Variants in RAB11FIP3 observed in about 807,000 individuals in gnomAD.
RAB11FIP3 encodes rab11 family-interacting protein 3.
In RAB11FIP3, 17 loss-of-function variants were observed where a neutral mutation model predicts 77.8. That is an observed-to-expected ratio of 0.22 (90% CI 0.15 to 0.33). The LOEUF (loss-of-function observed/expected upper bound fraction) is 0.33, where lower values mean the gene tolerates loss of function less well. Among genes scored for constraint, RAB11FIP3 ranks in the 10% least tolerant of loss-of-function variants. The probability of loss-of-function intolerance (pLI) is 1.00; values close to 1 mark genes in which losing one functional copy is unlikely to be tolerated. For missense variants in RAB11FIP3, 1,005 were observed against 1,011.2 expected, an observed-to-expected ratio of 0.99 and a Z score of 0.08; for synonymous variants, 437 against 448.2, an observed-to-expected ratio of 0.98 and a Z score of 0.31.
intron 1 of RAB11FIP3, among the ~76,000 whole-genome samples, chr16:440,089 C>A (rs897742382): frequency 3.3e-5 from 5 of 152,134 alleles, no homozygotes; most frequent in South Asian, 2.1e-4. Flanking sequence ...ATCCGCCCCC[C>A]CCATCGGCCT....
rs570112669 is a variant in RAB11FIP3, at chr16:460,228, C to CATTT, written c.715-1174_715-1171dup. On this transcript the variant is annotated intron_variant, in intron 1 of 13. Transcript: ENST00000262305. ...TTCCTTATATATTCTGGACACAAGTCATTTAACAGATATATGATTTGCAAA... is the reference window on the plus strand; with the variant it reads ...TTCCTTATATATTCTGGACACAAGTCATTTATTTAACAGATATATGATTTGCAAA... Among the ~76,000 whole-genome samples the CATTT allele has an allele frequency of 6.6e-4, 100 of 152,250 alleles. 2 individuals are homozygous for CATTT. The South Asian group carries it at 6.6e-3, about 10-fold the overall frequency.
intron 1 of RAB11FIP3, among the ~76,000 whole-genome samples, chr16:455,182 G>T (rs1452526488): frequency 6.7e-6 from 1 of 148,954 alleles, no homozygotes; most frequent in Non-Finnish European, 1.5e-5. Context: ...TCAGATCAAA[G>T]AATTGAGAAC....
intron 11 of RAB11FIP3, 99 bp from the exon 12 acceptor site, chr16:520,023 A>G: frequency 2.0e-6 from 3 of 1,525,198 alleles, no homozygotes; most frequent in Non-Finnish European, 8.8e-7. Flanking sequence ...TCCTCCCGAG[A>G]GACGGCCAGA....
Position 505,762 on chromosome 16 carries a change from G to T in RAB11FIP3, c.1499+135G>T, listed in dbSNP as rs1214175164. On this transcript the variant is annotated intron_variant, in intron 8 of 13. Coordinates refer to ENST00000262305, the MANE Select transcript of RAB11FIP3 (RefSeq NM_014700.4). This position sits in a 1 kb window ranked among gnomAD's most constrained non-coding sequence, Gnocchi z 4.0. ...CATCCCCGTTGGAAGCCGGCTGAGGGGGTGGTGCCAGGTGGTCATCTGAGC... is the reference window on the plus strand; with the variant it reads ...CATCCCCGTTGGAAGCCGGCTGAGGTGGTGGTGCCAGGTGGTCATCTGAGC... 14 of 769,076 alleles carry T rather than the reference G, an allele frequency of 1.8e-5. No individual in the cohort carries two copies. Among genetic ancestry groups the T allele is most frequent in the Non-Finnish European group, 2.5e-5 (12 of 489,244 alleles). The allele number at this position is 769,076 out of a possible 1,614,324, so 47.6% of individuals were successfully genotyped here.
At chr16:509,259 T>C (rs1168719102) in intron 8 of RAB11FIP3, among the ~76,000 whole-genome samples, 1 of 152,264 alleles carries the variant, frequency 6.6e-6, no homozygotes, top group Non-Finnish European at 1.5e-5. Context: ...TTCCTTGTTG[T>C]TTGTCTCTTC....
intron 9 of RAB11FIP3, among the ~76,000 whole-genome samples, chr16:518,385 C>T (rs1324030196): frequency 6.6e-6 from 1 of 152,196 alleles, no homozygotes; most frequent in Non-Finnish European, 1.5e-5. Flanking sequence ...TCGCCTTCAA[C>T]TTTTCTGTAA....
rs1247619115 is a variant in RAB11FIP3 at position 506,050 on chromosome 16, A to G, written c.1499+423A>G. Among the ~76,000 whole-genome samples the G allele has an allele frequency of 6.6e-6, 1 of 152,254 alleles. No homozygotes were observed. Among genetic ancestry groups the G allele is most frequent in the African/African-American group, 2.4e-5 (1 of 41,460 alleles). ...CAGGTTAGAGAAGTCGCTCAGCAGC[A>G]GAAAGCGAAATGAGCAGTGACTGCT... On this transcript the variant is annotated intron_variant, in intron 8 of 13. Transcript: ENST00000262305. The surrounding 1 kb of genome is among the most constrained non-coding windows in gnomAD (Gnocchi z 4.5).
intron 3 of RAB11FIP3, among the ~76,000 whole-genome samples, chr16:481,899 A>G (rs2056049415): frequency 1.2e-5 from 1 of 81,882 alleles, no homozygotes; most frequent in East Asian, 3.0e-4. Context: ...GGCCGGTGCC[A>G]CCGCACCTGG....
chr16:496,560 AGTCGTG>A (rs2031150551), intron 5 of RAB11FIP3, among the ~76,000 whole-genome samples: 1 of 152,194 alleles, frequency 6.6e-6, no homozygotes, highest in Non-Finnish European at 1.5e-5. Flanking sequence ...CTGGCCTCTC[AGTCGTG>A]GTCTGGGGTG....
chr16:497,442 C>T (rs1327176505), intron 6 of RAB11FIP3: 8 of 1,235,212 alleles, frequency 6.5e-6, no homozygotes, highest in East Asian at 5.9e-5. Context: ...CCTCTGCTGC[C>T]GTCAGAGTCT....
intron 1 of RAB11FIP3, among the ~76,000 whole-genome samples, chr16:437,956 C>T (rs1032303669): frequency 2.0e-5 from 3 of 152,066 alleles, no homozygotes; most frequent in African/African-American, 2.4e-5. Flanking sequence ...ATTAAAGGCT[C>T]GTGCCAGCAC....
intron 4 of RAB11FIP3, among the ~76,000 whole-genome samples, chr16:483,524 G>A (rs1209540861): frequency 2.6e-5 from 4 of 152,284 alleles, no homozygotes; most frequent in South Asian, 2.1e-4. Context: ...CTCTAGTGTA[G>A]CATCACATGA....
At chr16:467,501 G>A (rs2055724207) in intron 2 of RAB11FIP3, among the ~76,000 whole-genome samples, 1 of 148,630 alleles carries the variant, frequency 6.7e-6, no homozygotes, top group Non-Finnish European at 1.5e-5. Flanking sequence ...GAGGTGCAGG[G>A]GCGTCAGGGA....
chr16:463,137 G>A (rs1488457592), intron 2 of RAB11FIP3, among the ~76,000 whole-genome samples: 2 of 152,078 alleles, frequency 1.3e-5, no homozygotes, highest in African/African-American at 2.4e-5. Flanking sequence ...TCCGTCTTAC[G>A]TCAAGTTCTG....
chr16:464,378 G>A (rs1479287274), intron 2 of RAB11FIP3, among the ~76,000 whole-genome samples: 3 of 152,130 alleles, frequency 2.0e-5, no homozygotes, highest in African/African-American at 7.2e-5. Flanking sequence ...TTTCAGTAGC[G>A]GCTTTGTGAG....
intron 1 of RAB11FIP3, among the ~76,000 whole-genome samples, chr16:428,523 A>T (rs1435784175): frequency 6.6e-6 from 1 of 152,130 alleles, no homozygotes; most frequent in Non-Finnish European, 1.5e-5. Context: ...AACTTCTGTG[A>T]GGCTCAGGAT....
chr16:457,234 A>G (rs186938588), intron 1 of RAB11FIP3, among the ~76,000 whole-genome samples: 10 of 152,070 alleles, frequency 6.6e-5, no homozygotes, highest in Admixed American at 2.6e-4. Context: ...GTGGTGGGAG[A>G]ACTTGTTCTG....
intron 5 of RAB11FIP3, chr16:491,126 C>G: frequency 7.7e-7 from 1 of 1,291,580 alleles, no homozygotes; most frequent in Non-Finnish European, 1.0e-6. Context: ...ATGCTTCTGT[C>G]TCTCTAGCAC....
intron 1 of RAB11FIP3, among the ~76,000 whole-genome samples, chr16:435,566 T>C (rs1028461919): frequency 2.0e-5 from 3 of 152,208 alleles, no homozygotes; most frequent in African/African-American, 7.2e-5. Flanking sequence ...TGAAGAAATA[T>C]TAAAAGTGCT....
Sources: gnomAD v4.1 joint callset for allele counts (sites outside exome capture counted in the v4.1 genomes callset) on GRCh38, gnomAD v4.1.1 for gene constraint, Gnocchi (gnomAD v3.1) non-coding constraint, MANE v1.5 for transcripts, NCBI Gene and HGNC (gene_info 2026-07-23, HGNC 2026-07-21) for gene names.